LILRB4: variants seen among roughly 807,000 people sequenced by gnomAD.
LILRB4 encodes the protein leukocyte immunoglobulin like receptor B4.
In LILRB4, 49 loss-of-function variants were observed where a neutral mutation model predicts 55.2. The observed-to-expected ratio is 0.89, with a 90% CI of 0.71 to 1.13. LILRB4 has a LOEUF of 1.13. LILRB4 is among the 50% of genes most tolerant of loss of function. LILRB4 has a pLI of 0.00. For missense variants in LILRB4, 590 were observed against 555.2 expected (o/e 1.06, Z -0.63); for synonymous variants, 229 against 213.8 (o/e 1.07, Z -0.62).
chr19:54,664,463 C>G, exon 4 of LILRB4: 1 of 1,607,514 alleles, frequency 6.2e-7, no homozygotes, highest in Non-Finnish European at 8.5e-7. Context: ...ACCCCAGTGA[C>G]CCCCTGGAGC....
chr19:54,667,657 C>T (rs751975571), exon 11 of LILRB4: 1 of 1,611,384 alleles, frequency 6.2e-7, no homozygotes, highest in Admixed American at 1.7e-5. Context: ...GATGAAGACC[C>T]CCAGGCAGTG....
chr19:54,668,075 G>A, exon 12 of LILRB4: 1 of 1,602,492 alleles, frequency 6.2e-7, no homozygotes, highest in South Asian at 1.1e-5. Flanking sequence ...CAGAAGGCAT[G>A]GAAGCTGCCT....
At position 54,666,556 on chromosome 19, in the gene LILRB4, A is replaced by T; in HGVS notation, c.988+120A>T. The T allele has an allele frequency of 2.8e-6, 4 of 1,450,890 alleles. No homozygotes were observed. The South Asian group carries it at 3.7e-5, about 13-fold the overall frequency. 89.9% of individuals were successfully genotyped at this position (1,450,890 alleles called of 1,614,324 possible). ...AGGGACTCAGGGAGAAGTGGTCTGA[A>T]CCCACATTGTGGGACCTCGGGGACA... On this transcript the variant is annotated intron_variant, in intron 9 of 11. Transcript: ENST00000430952. This position sits in a 1 kb window ranked among gnomAD's most constrained non-coding sequence, Gnocchi z 4.8.
In LILRB4 at chr19:54,666,720, C is replaced by A. The variant is rs117405938; in HGVS notation, c.1012C>A (p.Pro338Thr). Residue 338 changes from proline to threonine, a missense_variant, in exon 10 of 12, where the codon CCT (proline) becomes ACT (threonine). By Grantham distance (38) the Pro-to-Thr change is conservative. Coordinates refer to ENST00000430952, the Ensembl canonical transcript of LILRB4. This position sits in a 1 kb window ranked among gnomAD's most constrained non-coding sequence, Gnocchi z 4.8. Reference sequence around the variant, plus strand: ...AGGTGCTGCCGTGAAGAACACACAGCCTGAGGACGGGGTGGAAATGGACAC... The same window carrying A: ...AGGTGCTGCCGTGAAGAACACACAGACTGAGGACGGGGTGGAAATGGACAC... The A allele has an allele frequency of 3.1e-6, 5 of 1,614,198 alleles. No individual in the cohort carries two copies. The highest frequency in any genetic ancestry group is 2.5e-6 in the Non-Finnish European group (3 of 1,180,012).
chr19:54,666,814 T>C lies in LILRB4; in HGVS notation c.1041+65T>C. 6.9e-7 allele frequency: 1 copy of C among 1,439,030 alleles called. No individual in the cohort carries two copies. The allele number at this position is 1,439,030 out of a possible 1,614,324, so 89.1% of individuals were successfully genotyped here. On this transcript the variant is annotated intron_variant, in intron 10 of 11. Transcript: ENST00000430952. The surrounding 1 kb of genome is among the most constrained non-coding windows in gnomAD (Gnocchi z 4.8). ...GGTGCCAGATCTAATCCTGCAGGACTTCTCTGTCCTCCTTCCCCCGGCTCT... is the reference window on the plus strand; with the variant it reads ...GGTGCCAGATCTAATCCTGCAGGACCTCTCTGTCCTCCTTCCCCCGGCTCT...
Position 54,664,783 on chromosome 19 carries a change from T to G in LILRB4, c.656-16T>G, listed in dbSNP as rs1180313224. On this transcript the variant is annotated splice_polypyrimidine_tract_variant and intron_variant, in intron 4 of 11. Transcript: ENST00000430952. Reference sequence around the variant, plus strand: ...GCAACCCCAGACTCTCACCCTCCTCTTGTCCTTCTACCCAGGATCCTTGGA... The same window carrying G: ...GCAACCCCAGACTCTCACCCTCCTCGTGTCCTTCTACCCAGGATCCTTGGA... The G allele has an allele frequency of 1.9e-6, 3 of 1,561,812 alleles. No homozygotes were observed. In the East Asian group the frequency reaches 6.7e-5, roughly 35 times the overall value.
Position 54,666,232 on chromosome 19 carries a change from TC to T in LILRB4, c.875-3del. Reference sequence around the variant, plus strand: ...CCCAGAGCTGAGACTCTGTCCATCTTCCCCCAGCCCAGAGACAGGCTGATTT... The same window carrying T: ...CCCAGAGCTGAGACTCTGTCCATCTTCCCCAGCCCAGAGACAGGCTGATTT... On this transcript the variant is annotated splice_polypyrimidine_tract_variant and splice_region_variant and intron_variant, in intron 7 of 11. Transcript: ENST00000430952. This position sits in a 1 kb window ranked among gnomAD's most constrained non-coding sequence, Gnocchi z 4.8. 6.3e-7 allele frequency: 1 copy of T among 1,582,752 alleles called. No individual in the cohort carries two copies. The highest frequency in any genetic ancestry group is 1.2e-5 in the South Asian group (1 of 86,112).
rs1238263818 is a variant in LILRB4, at chr19:54,666,139, C to A, written c.875-101C>A. On this transcript the variant is annotated intron_variant, in intron 7 of 11. Transcript: ENST00000430952. The surrounding 1 kb of genome is among the most constrained non-coding windows in gnomAD (Gnocchi z 4.8). ...AAACTTAGAAAGTATTTAAAACATC[C>A]TTGCAAGTGTATTTTCAGGTTTCCT... 1.6e-5 allele frequency: 21 copies of A among 1,303,374 alleles called. No homozygotes were observed. Among genetic ancestry groups the A allele is most frequent in the Middle Eastern group, 1.9e-4 (1 of 5,184 alleles). 80.7% of individuals were successfully genotyped at this position (1,303,374 alleles called of 1,614,324 possible).
chr19:54,666,490 T>G lies in LILRB4; in HGVS notation c.988+54T>G, dbSNP rs8101513. 5.6e-4 allele frequency: 889 copies of G among 1,596,394 alleles called. 7 individuals carry two copies. In the African/African-American group the frequency reaches 0.01, roughly 18 times the overall value. On this transcript the variant is annotated intron_variant, in intron 9 of 11. Coordinates refer to ENST00000430952, the Ensembl canonical transcript of LILRB4. The surrounding 1 kb of genome is among the most constrained non-coding windows in gnomAD (Gnocchi z 4.8). ...GGGGTGGAGCTGGGGGTCCCAAAATTTCAATAGCAATGGGGGCAGGAGCAC... is the reference window on the plus strand; with the variant it reads ...GGGGTGGAGCTGGGGGTCCCAAAATGTCAATAGCAATGGGGGCAGGAGCAC...
At chr19:54,663,462 A>AAAAAAAAAAAAAAAAAAAC (rs2065104806) in intron 1 of LILRB4, 70 bp from the exon 2 acceptor site, 1 of 1,533,804 alleles carries the variant, frequency 6.5e-7, no homozygotes, top group African/African-American at 1.4e-5. Flanking sequence ...AAAAAAAAAA[A>AAAAAAAAAAAAAAAAAAAC]AATCTCAGGG....
chr19:54,667,980 A>G, exon 12 of LILRB4: 1 of 1,614,124 alleles, frequency 6.2e-7, no homozygotes. Context: ...GGGCCTCTCC[A>G]GCTGAGCCCA....
chr19:54,663,459 A>AAAAAAAAAAAAAAAAAC (rs2065104585), intron 1 of LILRB4, 73 bp from the exon 2 acceptor site: 1 of 1,516,268 alleles, frequency 6.6e-7, no homozygotes, highest in African/African-American at 1.4e-5. Context: ...AAAAAAAAAA[A>AAAAAAAAAAAAAAAAAC]AAAAATCTCA....
At chr19:54,664,229 T>G in exon 4 of LILRB4, 1 of 1,614,110 alleles carries the variant, frequency 6.2e-7, no homozygotes, top group Non-Finnish European at 8.5e-7. Flanking sequence ...CGAGTCCTCT[T>G]GTGACCTCAG....
At position 54,665,714 on chromosome 19, in the gene LILRB4, G is replaced by T; in HGVS notation, c.758-101G>T. On this transcript the variant is annotated intron_variant, in intron 6 of 11. Transcript: ENST00000430952. This position sits in a 1 kb window ranked among gnomAD's most constrained non-coding sequence, Gnocchi z 5.5. Reference sequence around the variant, plus strand: ...AGGTTGCACAACTGCTGTGAGGGTTGGAGGTAATGAAAGAAAGACCCAGCA... The same window carrying T: ...AGGTTGCACAACTGCTGTGAGGGTTTGAGGTAATGAAAGAAAGACCCAGCA... The T allele has an allele frequency of 7.4e-7, 1 of 1,344,306 alleles. No individual in the cohort carries two copies. The highest frequency in any genetic ancestry group is 1.0e-6 in the Non-Finnish European group (1 of 958,776). The allele number at this position is 1,344,306 out of a possible 1,614,324, so 83.3% of individuals were successfully genotyped here.
exon 12 of LILRB4, chr19:54,668,150 G>A: frequency 1.9e-6 from 2 of 1,028,514 alleles, no homozygotes; most frequent in South Asian, 1.6e-5. Flanking sequence ...AAGATTCCGG[G>A]AACGTTGGGA....
At chr19:54,664,130 G>A (rs1377978334) in intron 3 of LILRB4, 56 bp from the exon 4 acceptor site, 1 of 1,592,302 alleles carries the variant, frequency 6.3e-7, no homozygotes, top group Non-Finnish European at 8.6e-7. Context: ...GCCCAGCCCT[G>A]GGGATGATGT....
chr19:54,664,166 G>T lies in LILRB4; in HGVS notation c.356-20G>T. 6.2e-7 allele frequency: 1 copy of T among 1,603,664 alleles called. No homozygotes were observed. Among genetic ancestry groups the T allele is most frequent in the East Asian group, 2.2e-5 (1 of 44,790 alleles). On this transcript the variant is annotated intron_variant, in intron 3 of 11. Coordinates refer to ENST00000430952, the Ensembl canonical transcript of LILRB4. ...GGGAGGTGGGAGCCCCATTTAACAC[G>T]GTGCCTCCTTCTCTCCTAGGAGCCT...
chr19:54,665,926 C>T lies in LILRB4; in HGVS notation c.869C>T (p.Thr290Ile), dbSNP rs763504308. 4 of 1,613,880 alleles carry T rather than the reference C, an allele frequency of 2.5e-6. No homozygotes were observed. The highest frequency in any genetic ancestry group is 3.4e-6 in the Non-Finnish European group (4 of 1,179,966). Reference sequence around the variant, plus strand: ...CACTGGCGTCAGGGAAAACACAGGACATTGGGTAAGTAGGAAATTGGGGGA... The same window carrying T: ...CACTGGCGTCAGGGAAAACACAGGATATTGGGTAAGTAGGAAATTGGGGGA... The change falls in exon 7 of 12, where the codon ACA (threonine) becomes ATA (isoleucine). Residue 290 changes from threonine (T) to isoleucine (I), a missense_variant. Thr to Ile is a moderately conservative substitution (Grantham distance 89). Transcript: ENST00000430952. The surrounding 1 kb of genome is among the most constrained non-coding windows in gnomAD (Gnocchi z 5.5).
intron 10 of LILRB4, chr19:54,667,004 T>C: frequency 1.4e-6 from 1 of 693,994 alleles, no homozygotes; most frequent in Non-Finnish European, 2.7e-6. Flanking sequence ...TCCCCAGGCC[T>C]CAGGAGGATG....
Sources: gnomAD v4.1 joint callset for allele counts on GRCh38, gnomAD v4.1.1 for gene constraint, Gnocchi (gnomAD v3.1) non-coding constraint, MANE v1.5 for transcripts, NCBI Gene and HGNC (gene_info 2026-07-23, HGNC 2026-07-21) for gene names.